Variants in TBC1D22A observed in about 807,000 individuals in gnomAD.
TBC1D22A encodes the protein TBC1 domain family member 22A, also known as putative GTPase activator.
TBC1D22A carries 38 observed loss-of-function variants against 60.2 expected under a neutral mutation model. That is an observed-to-expected ratio of 0.63 (90% confidence interval 0.49 to 0.83). The LOEUF (loss-of-function observed/expected upper bound fraction) is 0.83, where lower values mean the gene tolerates loss of function less well. TBC1D22A is among the 40% of genes least tolerant of loss of function. TBC1D22A has a pLI of 0.00. For missense variants in TBC1D22A, 628 were observed against 701.0 expected (o/e 0.90, Z 1.18); for synonymous variants, 302 against 281.7 (o/e 1.07, Z -0.72).
chr22:47,126,208 C>G (rs564293404), intron 12 of TBC1D22A, among the ~76,000 whole-genome samples: 50 of 152,324 alleles, frequency 3.3e-4, no homozygotes, highest in Non-Finnish European at 6.8e-4. Context: ...TCTTGAACTC[C>G]TGACCTCAGG....
intron 5 of TBC1D22A, among the ~76,000 whole-genome samples, chr22:46,880,170 C>T (rs1007992985): frequency 6.6e-5 from 10 of 152,172 alleles, no homozygotes; most frequent in Admixed American, 5.9e-4. Context: ...CCAAGGTGGT[C>T]GGGGCACAGC....
chr22:46,767,281 G>A (rs555029995), intron 1 of TBC1D22A, among the ~76,000 whole-genome samples: 2 of 152,324 alleles, frequency 1.3e-5, no homozygotes, highest in East Asian at 3.9e-4. Flanking sequence ...TCTTCACCAA[G>A]TTACCTCTGG....
intron 7 of TBC1D22A, among the ~76,000 whole-genome samples, chr22:46,909,862 C>T (rs9627619): frequency 0.035 from 5,395 of 152,264 alleles, 319 homozygotes; most frequent in African/African-American, 0.12. Context: ...CCTAGGGGCT[C>T]GGCAGGGCTG....
At chr22:46,928,190 A>G (rs1446793959) in intron 8 of TBC1D22A, among the ~76,000 whole-genome samples, 1 of 152,188 alleles carries the variant, frequency 6.6e-6, no homozygotes, top group Non-Finnish European at 1.5e-5. Context: ...TTACAAAGCT[A>G]CATTAATCAA....
At chr22:47,154,877 G>A (rs1042869274) in intron 12 of TBC1D22A, among the ~76,000 whole-genome samples, 21 of 152,212 alleles carry the variant, frequency 1.4e-4, no homozygotes, top group African/African-American at 5.1e-4. Flanking sequence ...ACTCGGGATC[G>A]CTGTGGGAAG....
intron 11 of TBC1D22A, among the ~76,000 whole-genome samples, chr22:47,046,225 G>A (rs531119215): frequency 4.6e-5 from 7 of 152,296 alleles, no homozygotes; most frequent in South Asian, 4.1e-4. Flanking sequence ...CGAGTGGGAC[G>A]GTGGACTGTT....
intron 10 of TBC1D22A, among the ~76,000 whole-genome samples, chr22:47,003,728 T>C (rs1447888493): frequency 1.1e-4 from 13 of 114,696 alleles, no homozygotes; most frequent in Non-Finnish European, 1.7e-4. Flanking sequence ...ACACACACTC[T>C]ACACACACAT....
intron 8 of TBC1D22A, among the ~76,000 whole-genome samples, chr22:46,950,979 C>T (rs572232245): frequency 6.6e-6 from 1 of 152,288 alleles, no homozygotes; most frequent in East Asian, 1.9e-4. Flanking sequence ...TCCTGAAATA[C>T]GTGTGTGAGT....
intron 8 of TBC1D22A, among the ~76,000 whole-genome samples, chr22:46,932,487 C>T (rs964454035): frequency 1.2e-4 from 18 of 152,070 alleles, no homozygotes; most frequent in Non-Finnish European, 2.4e-4. Context: ...GGTGGAGTAC[C>T]GTTTTCCTCA....
intron 8 of TBC1D22A, among the ~76,000 whole-genome samples, chr22:46,929,797 G>A (rs1434983210): frequency 3.3e-5 from 5 of 152,178 alleles, no homozygotes; most frequent in African/African-American, 7.2e-5. Context: ...ATTGGAATCC[G>A]TGGACTGCAG....
intron 12 of TBC1D22A, among the ~76,000 whole-genome samples, chr22:47,147,435 T>G (rs113680383): frequency 6.6e-6 from 1 of 152,268 alleles, no homozygotes; most frequent in East Asian, 1.9e-4. Context: ...GCCGGCCTGG[T>G]ATATAGCATG....
At chr22:46,941,808 T>G (rs576086209) in intron 8 of TBC1D22A, among the ~76,000 whole-genome samples, 1 of 135,650 alleles carries the variant, frequency 7.4e-6, no homozygotes, top group Non-Finnish European at 1.5e-5. Context: ...AGAATATATA[T>G]AGAATATATA....
chr22:46,894,789 C>G lies in TBC1D22A; in HGVS notation c.843C>G (p.His281Gln). The G allele has an allele frequency of 6.2e-7, 1 of 1,614,256 alleles. No individual in the cohort carries two copies. Among genetic ancestry groups the G allele is most frequent in the African/African-American group, 1.3e-5 (1 of 75,074 alleles). ...CGTTTCTCCTGCTTCTCCAGATCCA[C>G]ATAGACATCCCTCGCATGAGCCCTG... ...EVHQDTYRQI[H>Q]IDIPRMSPEA... Residue 281 changes from histidine to glutamine, a missense_variant, in exon 7 of 13, where the codon CAC (histidine) becomes CAG (glutamine). His to Gln is a conservative substitution (Grantham distance 24). Transcript: ENST00000337137.
intron 7 of TBC1D22A, among the ~76,000 whole-genome samples, chr22:46,899,981 T>C (rs6009041): frequency 0.71 from 107,489 of 151,764 alleles, 38,286 homozygotes; most frequent in Middle Eastern, 0.87. Flanking sequence ...TCGAAACATT[T>C]GCTTATCCAT....
At chr22:46,794,104 A>G (rs1013519639) in intron 3 of TBC1D22A, among the ~76,000 whole-genome samples, 6 of 152,158 alleles carry the variant, frequency 3.9e-5, no homozygotes, top group African/African-American at 1.4e-4. Flanking sequence ...AGCTACGTGC[A>G]TGTCTTCTCC....
chr22:46,999,735 A>G (rs2075246004), intron 10 of TBC1D22A, among the ~76,000 whole-genome samples: 1 of 152,216 alleles, frequency 6.6e-6, no homozygotes, highest in Non-Finnish European at 1.5e-5. Context: ...AGAAAAAAAA[A>G]GCTTCTCAGG....
intron 12 of TBC1D22A, among the ~76,000 whole-genome samples, chr22:47,163,247 CCT>C (rs1023227154): frequency 5.3e-5 from 8 of 152,224 alleles, no homozygotes; most frequent in Admixed American, 5.2e-4. Context: ...GCAAACAGCC[CCT>C]CTTTGTCTGG....
chr22:46,831,995 A>G (rs1337757153), intron 4 of TBC1D22A, among the ~76,000 whole-genome samples: 1 of 152,244 alleles, frequency 6.6e-6, no homozygotes, highest in Non-Finnish European at 1.5e-5. Flanking sequence ...AAGTGGGATA[A>G]AAGCCATCAG....
intron 8 of TBC1D22A, among the ~76,000 whole-genome samples, chr22:46,949,805 C>A (rs2072785564): frequency 1.3e-5 from 2 of 152,168 alleles, no homozygotes; most frequent in South Asian, 4.1e-4. Context: ...CCTCACTGAG[C>A]CGGTCAGCAG....
Sources: gnomAD v4.1 joint callset for allele counts (sites outside exome capture counted in the v4.1 genomes callset) on GRCh38, gnomAD v4.1.1 for gene constraint, MANE v1.5 for transcripts, NCBI Gene and HGNC (gene_info 2026-07-23, HGNC 2026-07-21) for gene names.